The following PTPRZ1 variants were observed in gnomAD, a reference collection of about 807,000 sequenced individuals.
PTPRZ1 encodes the protein receptor-type tyrosine-protein phosphatase zeta.
PTPRZ1 carries 82 observed loss-of-function variants against 214.1 expected under a neutral mutation model. The ratio of observed to expected loss-of-function variants is 0.38; its 90% CI spans 0.32 to 0.46. The LOEUF (loss-of-function observed/expected upper bound fraction) is 0.46, where lower values mean the gene tolerates loss of function less well. Among genes scored for constraint, PTPRZ1 ranks in the 20% least tolerant of loss-of-function variants. The pLI is 1.00. For synonymous variants in PTPRZ1, 945 were observed against 987.9 expected (o/e 0.96, Z 0.81); for missense variants, 2,603 against 2,748.7 (o/e 0.95, Z 1.19).
Position 121,996,342 on chromosome 7 carries a change from GCTAAGTT to G in PTPRZ1, c.929-36_929-30del, listed in dbSNP as rs779342839. On this transcript the variant is annotated intron_variant, in intron 8 of 29. Transcript: ENST00000393386. ...TGTTTTATTTATTCAAGTCCTCAAG[GCTAAGTT>G]CTATCAACAACTGTACTTTTTTCTC... 3 of 1,447,782 alleles carry G rather than the reference GCTAAGTT, an allele frequency of 2.1e-6. No individual in the cohort carries two copies. In the South Asian group the frequency reaches 4.4e-5, roughly 21 times the overall value. The allele number at this position is 1,447,782 out of a possible 1,614,324, so 89.7% of individuals were successfully genotyped here.
In PTPRZ1 at chr7:121,929,662, G is replaced by A. The variant is rs530991724; in HGVS notation, c.124+1441G>A. Among the ~76,000 whole-genome samples, 80 of 151,824 alleles carry A rather than the reference G, an allele frequency of 5.3e-4. 2 individuals are homozygous for A. In the South Asian group the frequency reaches 0.016, roughly 31 times the overall value. On this transcript the variant is annotated intron_variant, in intron 2 of 29. Coordinates refer to ENST00000393386, the MANE Select transcript of PTPRZ1 (RefSeq NM_002851.3). Reference sequence around the variant, plus strand: ...CTCTACTAAAAATACAAAAAAATTAGCCAGGCATGTTGGCGCATGCTTCTA... The same window carrying A: ...CTCTACTAAAAATACAAAAAAATTAACCAGGCATGTTGGCGCATGCTTCTA...
At position 121,967,316 on chromosome 7, in the gene PTPRZ1, A is replaced by G. The variant is rs897643644; in HGVS notation, c.125-635A>G. On this transcript the variant is annotated intron_variant, in intron 2 of 29. Transcript: ENST00000393386. ...GGCTTTACGACCAGAGAAAAATGGG[A>G]AGGAGATATTTTAAGGACAGCCTGA... 5.9e-5 allele frequency among the ~76,000 whole-genome samples: 9 copies of G among 152,260 alleles called. No homozygotes were observed. In the South Asian group the frequency reaches 1.9e-3, roughly 32 times the overall value.
At chr7:121,885,426 A>G (rs1794368251) in intron 1 of PTPRZ1, among the ~76,000 whole-genome samples, 1 of 152,174 alleles carries the variant, frequency 6.6e-6, no homozygotes, top group Non-Finnish European at 1.5e-5. Context: ...AAAGAAGCAT[A>G]AAGCGTGAAA....
At chr7:122,045,424 T>G (rs1007311416) in intron 23 of PTPRZ1, among the ~76,000 whole-genome samples, 1 of 152,146 alleles carries the variant, frequency 6.6e-6, no homozygotes, top group African/African-American at 2.4e-5. Flanking sequence ...GCATAGGATG[T>G]TAGCCACCAT....
intron 6 of PTPRZ1, among the ~76,000 whole-genome samples, chr7:121,981,375 C>T (rs943615098): frequency 6.6e-6 from 1 of 152,016 alleles, no homozygotes; most frequent in Non-Finnish European, 1.5e-5. Context: ...AGGATTAACA[C>T]CACTGCTCTA....
chr7:121,887,086 C>T (rs954916131), intron 1 of PTPRZ1, among the ~76,000 whole-genome samples: 13 of 151,650 alleles, frequency 8.6e-5, no homozygotes, highest in African/African-American at 3.2e-4. Flanking sequence ...TTGTCCCCTT[C>T]CACAGGAAGG....
At chr7:121,946,840 A>G (rs114046321) in intron 2 of PTPRZ1, among the ~76,000 whole-genome samples, 1,848 of 152,262 alleles carry the variant, frequency 0.012, 32 homozygotes, top group African/African-American at 0.04. Flanking sequence ...TCTAATAAAA[A>G]TGCATAACCT....
chr7:121,960,500 T>A (rs1299780034), intron 2 of PTPRZ1, among the ~76,000 whole-genome samples: 3 of 152,222 alleles, frequency 2.0e-5, no homozygotes, highest in Non-Finnish European at 4.4e-5. Context: ...TTTATAGGAA[T>A]CTTTAAAAGA....
intron 27 of PTPRZ1, among the ~76,000 whole-genome samples, chr7:122,056,434 G>C (rs1792350781): frequency 6.6e-6 from 1 of 151,692 alleles, no homozygotes; most frequent in Non-Finnish European, 1.5e-5. Flanking sequence ...GGGATAAACA[G>C]TATTTCTATA....
intron 1 of PTPRZ1, among the ~76,000 whole-genome samples, chr7:121,911,596 A>T (rs1347728108): frequency 6.6e-6 from 1 of 151,998 alleles, no homozygotes. Context: ...CTGATTCTTA[A>T]CTTCTTCCTT....
rs767350909 is a variant in PTPRZ1, at chr7:122,042,762, T to C, written c.5937+19T>C. The C allele has an allele frequency of 7.3e-5, 117 of 1,601,260 alleles. No individual in the cohort carries two copies. Among genetic ancestry groups the C allele is most frequent in the Middle Eastern group, 5.0e-4 (3 of 5,978 alleles). ...AACTGAGGTATGATTTTTAAAAAGA[T>C]GATTTTATTCATCTAAGGTATGGAA... On this transcript the variant is annotated intron_variant, in intron 22 of 29. Transcript: ENST00000393386.
chr7:122,051,752 ATG>A, intron 24 of PTPRZ1, 112 bp from the exon 25 acceptor site: 1 of 1,014,260 alleles, frequency 9.9e-7, no homozygotes, highest in South Asian at 1.5e-5. Flanking sequence ...AACTTGAAAA[ATG>A]TAGCTATATT....
At chr7:121,924,358 GC>G (rs1405663054) in intron 1 of PTPRZ1, among the ~76,000 whole-genome samples, 2 of 152,052 alleles carry the variant, frequency 1.3e-5, no homozygotes, top group Non-Finnish European at 2.9e-5. Flanking sequence ...GTTCATTGGA[GC>G]TATCACATCT....
At chr7:121,886,305 A>G (rs1463686962) in intron 1 of PTPRZ1, among the ~76,000 whole-genome samples, 1 of 152,126 alleles carries the variant, frequency 6.6e-6, no homozygotes, top group Non-Finnish European at 1.5e-5. Context: ...TTAAATTCCT[A>G]CTGATTAATC....
chr7:121,886,368 A>G, intron 1 of PTPRZ1, among the ~76,000 whole-genome samples: 1 of 152,000 alleles, frequency 6.6e-6, no homozygotes. Flanking sequence ...AGTTTTTTAT[A>G]TATCATATAT....
chr7:121,888,156 T>TA (rs1794457484), intron 1 of PTPRZ1, among the ~76,000 whole-genome samples: 1 of 151,972 alleles, frequency 6.6e-6, no homozygotes, highest in Non-Finnish European at 1.5e-5. Context: ...TTCAAAGTCT[T>TA]AAAAAATGTA....
chr7:121,873,390 A>G lies in PTPRZ1; in HGVS notation c.-110A>G, dbSNP rs571679584. On this transcript the variant is annotated 5_prime_UTR_variant, in exon 1 of 30. Coordinates refer to ENST00000393386, the MANE Select transcript of PTPRZ1 (RefSeq NM_002851.3). ...CGCACGATCTCACTTCGATCTATAC[A>G]CTGGAGGATTAAAACAAACAAACAA... The G allele has an allele frequency of 3.9e-6, 4 of 1,033,508 alleles. No individual in the cohort carries two copies. The East Asian group carries it at 7.7e-5, about 20-fold the overall frequency. The allele number at this position is 1,033,508 out of a possible 1,614,324, so 64.0% of individuals were successfully genotyped here. A position where few individuals can be genotyped will look rare whatever the true frequency, so the allele number is the denominator to read the frequency against.
intron 2 of PTPRZ1, among the ~76,000 whole-genome samples, chr7:121,940,611 A>G (rs1253539740): frequency 6.6e-6 from 1 of 152,200 alleles, no homozygotes; most frequent in Non-Finnish European, 1.5e-5. Context: ...AGGTGCTGCA[A>G]TGATTACATG....
At chr7:121,961,954 T>C (rs1796892954) in intron 2 of PTPRZ1, among the ~76,000 whole-genome samples, 1 of 152,212 alleles carries the variant, frequency 6.6e-6, no homozygotes, top group African/African-American at 2.4e-5. Flanking sequence ...CTTTATGTGT[T>C]AATCAGCCTG....
Sources: allele counts gnomAD v4.1 joint callset (sites outside exome capture counted in the v4.1 genomes callset), GRCh38; gene constraint gnomAD v4.1.1; transcripts MANE v1.5; gene names NCBI Gene and HGNC (gene_info 2026-07-23, HGNC 2026-07-21).